Variants in CACNA1I observed in about 807,000 individuals in gnomAD.
CACNA1I encodes the protein calcium voltage-gated channel subunit alpha1 I.
CACNA1I carries 74 observed loss-of-function variants against 201.6 expected under a neutral mutation model. That is an observed-to-expected ratio of 0.37 (90% CI 0.30 to 0.45). CACNA1I has a LOEUF of 0.45. Ranked by LOEUF, CACNA1I falls within the 20% of genes least tolerant of loss-of-function variation. The pLI is 1.00. For synonymous variants in CACNA1I, 1,431 were observed against 1,345.2 expected (o/e 1.06, Z -1.40); for missense variants, 2,346 against 3,138.1 (o/e 0.75, Z 6.03).
chr22:39,586,147 TA>T (rs1473611103), intron 1 of CACNA1I, among the ~76,000 whole-genome samples: 1 of 151,484 alleles, frequency 6.6e-6, no homozygotes, highest in Non-Finnish European at 1.5e-5. Flanking sequence ...CATTGTACTC[TA>T]GTCTGGCGAC....
chr22:39,634,365 A>G (rs1934148247), intron 4 of CACNA1I, among the ~76,000 whole-genome samples, 200 bp from the exon 5 acceptor site: 1 of 152,182 alleles, frequency 6.6e-6, no homozygotes, highest in Non-Finnish European at 1.5e-5. Context: ...GCCCAGAGCC[A>G]TTTCCATGGC....
At chr22:39,606,887 G>A (rs1456382140) in intron 3 of CACNA1I, among the ~76,000 whole-genome samples, 2 of 152,218 alleles carry the variant, frequency 1.3e-5, no homozygotes, top group Admixed American at 1.3e-4. Flanking sequence ...CTGTCCATTA[G>A]GAGGTCATGA....
intron 1 of CACNA1I, among the ~76,000 whole-genome samples, chr22:39,584,797 TG>T (rs1168903064): frequency 6.6e-6 from 1 of 152,182 alleles, no homozygotes; most frequent in Non-Finnish European, 1.5e-5. Flanking sequence ...CAAACCACAC[TG>T]GTATTATTAG....
chr22:39,659,555 G>C lies in CACNA1I; in HGVS notation c.2448+5G>C. ...GCCATCGTCACTGTGTTCCAGGTGA[G>C]TGGCCGCTGCGTGTTCATGTTTGCT... On this transcript the variant is annotated splice_donor_5th_base_variant and intron_variant, in intron 13 of 36. Coordinates refer to ENST00000402142, the MANE Select transcript of CACNA1I (RefSeq NM_021096.4). This position sits in a 1 kb window ranked among gnomAD's most constrained non-coding sequence, Gnocchi z 4.3. 3 of 1,606,448 alleles carry C rather than the reference G, an allele frequency of 1.9e-6. No individual in the cohort carries two copies. Among genetic ancestry groups the C allele is most frequent in the African/African-American group, 2.7e-5 (2 of 74,862 alleles).
Position 39,679,820 on chromosome 22 carries a change from C to G in CACNA1I, c.5493C>G (p.His1831Gln). The change falls in exon 33 of 37, where the codon CAC (histidine) becomes CAG (glutamine). Residue 1831 changes from histidine to glutamine, a missense_variant. His to Gln is a conservative substitution (Grantham distance 24). Coordinates refer to ENST00000402142, the MANE Select transcript of CACNA1I (RefSeq NM_021096.4). ...IDNLSGSIFH[H>Q]YSSPAGCKKC... ...ACCTGTCGGGCTCCATCTTCCACCA[C>G]TACTCCTCGCCTGCCGGCTGCAAGA... 6.2e-7 allele frequency: 1 copy of G among 1,613,092 alleles called. No homozygotes were observed. The highest frequency in any genetic ancestry group is 8.5e-7 in the Non-Finnish European group (1 of 1,179,600).
intron 7 of CACNA1I, among the ~76,000 whole-genome samples, chr22:39,643,779 G>T (rs776735987): frequency 2.0e-5 from 3 of 152,204 alleles, no homozygotes; most frequent in Non-Finnish European, 4.4e-5. Context: ...AGATGCCCCA[G>T]GTAAAAGGAG....
chr22:39,643,945 C>T (rs144662836), intron 7 of CACNA1I, among the ~76,000 whole-genome samples: 23 of 152,310 alleles, frequency 1.5e-4, no homozygotes, highest in Non-Finnish European at 2.8e-4. Flanking sequence ...CTCACAGGCT[C>T]GTGGGGAAGA....
At chr22:39,589,438 G>A (rs1281804510) in intron 1 of CACNA1I, among the ~76,000 whole-genome samples, 2 of 152,208 alleles carry the variant, frequency 1.3e-5, no homozygotes, top group East Asian at 3.8e-4. Flanking sequence ...ACGAATGAAC[G>A]AATGAATGTG....
chr22:39,657,279 C>T (rs1400553193), intron 10 of CACNA1I, among the ~76,000 whole-genome samples: 1 of 152,224 alleles, frequency 6.6e-6, no homozygotes, highest in Non-Finnish European at 1.5e-5. Context: ...GGCTCCACAG[C>T]TGTTGGGGGA....
intron 3 of CACNA1I, among the ~76,000 whole-genome samples, chr22:39,616,485 C>T (rs1178843921): frequency 6.6e-6 from 1 of 152,170 alleles, no homozygotes; most frequent in Admixed American, 6.5e-5. Context: ...TCTTTGTCGG[C>T]TGGGCACGGT....
intron 4 of CACNA1I, among the ~76,000 whole-genome samples, chr22:39,622,615 G>A (rs1256553559): frequency 1.3e-5 from 2 of 149,310 alleles, no homozygotes; most frequent in African/African-American, 4.9e-5. Flanking sequence ...GGCGGTGGGG[G>A]GGGCAGTGGG....
intron 4 of CACNA1I, among the ~76,000 whole-genome samples, chr22:39,628,795 G>A (rs1401736777): frequency 6.6e-6 from 1 of 152,160 alleles, no homozygotes; most frequent in African/African-American, 2.4e-5. Flanking sequence ...CAGGGAGAGT[G>A]GCCCCCAGTG....
chr22:39,662,986 G>T, intron 18 of CACNA1I, 110 bp downstream of exon 18: 1 of 744,940 alleles, frequency 1.3e-6, no homozygotes, highest in Non-Finnish European at 2.3e-6. Context: ...GACCACAGCG[G>T]ACCCTCCCGG....
chr22:39,672,646 A>G (rs1471381908), intron 27 of CACNA1I, among the ~76,000 whole-genome samples: 2 of 152,220 alleles, frequency 1.3e-5, no homozygotes, highest in Non-Finnish European at 2.9e-5. Context: ...AAGGCCAGAC[A>G]GAGAGAGCAG....
intron 6 of CACNA1I, 49 bp from the exon 7 acceptor site, chr22:39,642,748 C>T (rs1195283233): frequency 5.1e-6 from 7 of 1,368,656 alleles, no homozygotes; most frequent in Non-Finnish European, 7.2e-6. Flanking sequence ...GGGCTACGGG[C>T]TTTCTGATGG....
Position 39,666,002 on chromosome 22 carries a change from G to T in CACNA1I, c.4100G>T (p.Gly1367Val). Residue 1367 changes from glycine (G) to valine (V), a missense_variant, in exon 23 of 37, where the codon GGC becomes GTC. Gly to Val is a moderately radical substitution (Grantham distance 109). Around this residue, in one of 13 missense-constraint regions of CACNA1I, gnomAD observed 228 missense variants for 395.7 expected, o/e 0.58. Transcript: ENST00000402142. The surrounding 1 kb of genome is among the most constrained non-coding windows in gnomAD (Gnocchi z 4.1). ...CACAAATACAACTTCGACAACCTGG[G>T]CCAGGTGAGCACCACCGTCCTAGCC... ...VHHKYNFDNLGQALMSLFVLA... is the reference protein window; with the variant it reads ...VHHKYNFDNLVQALMSLFVLA... 6.2e-7 allele frequency: 1 copy of T among 1,613,502 alleles called. No individual in the cohort carries two copies. The highest frequency in any genetic ancestry group is 8.5e-7 in the Non-Finnish European group (1 of 1,179,760).
intron 4 of CACNA1I, among the ~76,000 whole-genome samples, chr22:39,620,049 A>ATCCATCCG (rs1438691559): frequency 1.4e-5 from 2 of 140,752 alleles, no homozygotes; most frequent in Non-Finnish European, 3.1e-5. Flanking sequence ...CCATCCATCC[A>ATCCATCCG]TCCACCCACC....
intron 17 of CACNA1I, 148 bp from the exon 18 acceptor site, chr22:39,662,628 C>T (rs1208556062): frequency 7.1e-6 from 5 of 708,246 alleles, no homozygotes; most frequent in Admixed American, 2.3e-5. Flanking sequence ...TGGGCCGGCT[C>T]CTGGGAGAGA....
intron 3 of CACNA1I, among the ~76,000 whole-genome samples, chr22:39,609,915 G>A (rs1267067528): frequency 6.6e-6 from 1 of 152,178 alleles, no homozygotes; most frequent in Non-Finnish European, 1.5e-5. Context: ...GACTGGGCAG[G>A]GGCAGGGCTC....
Sources: allele counts gnomAD v4.1 joint callset (sites outside exome capture counted in the v4.1 genomes callset), GRCh38; gene constraint gnomAD v4.1.1; regional missense constraint gnomAD v4.1.1; non-coding constraint Gnocchi (gnomAD v3.1); transcripts MANE v1.5; gene names NCBI Gene and HGNC (gene_info 2026-07-23, HGNC 2026-07-21).